The following TBC1D23 variants were observed in gnomAD, a reference collection of about 807,000 sequenced individuals.
TBC1D23 encodes the protein TBC1 domain family member 23.
Under a neutral mutation model 91.4 loss-of-function variants are expected in TBC1D23, and 55 were observed. The observed-to-expected ratio is 0.60, with a 90% confidence interval of 0.48 to 0.75. The LOEUF (loss-of-function observed/expected upper bound fraction) is 0.75. Among genes scored for constraint, TBC1D23 ranks in the 30% least tolerant of loss-of-function variants. The probability of loss-of-function intolerance (pLI) is 0.00; values close to 1 mark genes in which losing one functional copy is unlikely to be tolerated. For missense variants in TBC1D23, 725 were observed against 836.1 expected (o/e 0.87, Z 1.64); for synonymous variants, 289 against 281.0 (o/e 1.03, Z -0.28).
chr3:100,280,090 G>A (rs547366455), intron 2 of TBC1D23, among the ~76,000 whole-genome samples: 59 of 152,092 alleles, frequency 3.9e-4, no homozygotes, highest in Middle Eastern at 3.4e-3. Flanking sequence ...TTCAAGACCC[G>A]CCTGGCCAAC....
At chr3:100,276,101 AAGG>A (rs1301059418) in intron 1 of TBC1D23, among the ~76,000 whole-genome samples, 2 of 151,694 alleles carry the variant, frequency 1.3e-5, no homozygotes, top group Non-Finnish European at 2.9e-5. Flanking sequence ...AAAAAAAAAA[AAGG>A]AGATGAACTA....
chr3:100,310,114 G>C (rs1195387961), intron 13 of TBC1D23, among the ~76,000 whole-genome samples: 2 of 152,088 alleles, frequency 1.3e-5, no homozygotes, highest in Non-Finnish European at 2.9e-5. Context: ...GCCTTGCCTT[G>C]TGTGTCCTTA....
chr3:100,316,284 A>G, intron 16 of TBC1D23, 97 bp downstream of exon 16: 1 of 845,950 alleles, frequency 1.2e-6, no homozygotes, highest in Non-Finnish European at 1.9e-6. Context: ...TTTTTAAAAA[A>G]ATGAGATTCT....
chr3:100,295,479 A>G lies in TBC1D23; in HGVS notation c.772+131A>G, dbSNP rs181289309. The G allele has an allele frequency of 1.6e-5, 11 of 671,800 alleles. No homozygotes were observed. In the African/African-American group the frequency reaches 1.6e-4, roughly 10 times the overall value. 41.6% of individuals were successfully genotyped at this position (671,800 alleles called of 1,614,324 possible). Reference sequence around the variant, plus strand: ...AGGCTCCATTCAACTCTCAGATTATATAAACACTCTCCAGGTACAGACCTT... The same window carrying G: ...AGGCTCCATTCAACTCTCAGATTATGTAAACACTCTCCAGGTACAGACCTT... On this transcript the variant is annotated intron_variant, in intron 7 of 18. Transcript: ENST00000394144.
intron 12 of TBC1D23, among the ~76,000 whole-genome samples, chr3:100,305,089 T>G (rs2289509): frequency 6.6e-6 from 1 of 151,952 alleles, no homozygotes; most frequent in Non-Finnish European, 1.5e-5. Context: ...GACTATTTGA[T>G]GTAAGACTAT....
intron 1 of TBC1D23, among the ~76,000 whole-genome samples, chr3:100,262,352 A>G (rs1358308598): frequency 6.6e-6 from 1 of 152,218 alleles, no homozygotes. Context: ...GCTTTGAAGA[A>G]TAAGTAGGAT....
chr3:100,275,315 C>G (rs919974778), intron 1 of TBC1D23, among the ~76,000 whole-genome samples: 1 of 150,492 alleles, frequency 6.6e-6, no homozygotes, highest in African/African-American at 2.4e-5. Flanking sequence ...GAGACAGGGT[C>G]TCGTTCTGTA....
At chr3:100,309,920 T>C (rs1476272546) in intron 13 of TBC1D23, among the ~76,000 whole-genome samples, 1 of 152,194 alleles carries the variant, frequency 6.6e-6, no homozygotes, top group Non-Finnish European at 1.5e-5. Flanking sequence ...CTACCTTCTA[T>C]TCTTAAAATG....
At chr3:100,308,382 G>A (rs1318282120) in intron 13 of TBC1D23, among the ~76,000 whole-genome samples, 2 of 152,100 alleles carry the variant, frequency 1.3e-5, no homozygotes. Context: ...GGCTGAGGCA[G>A]GAGAATGGTG....
chr3:100,274,000 CTA>C (rs1391683692), intron 1 of TBC1D23, among the ~76,000 whole-genome samples: 1 of 151,980 alleles, frequency 6.6e-6, no homozygotes, highest in Non-Finnish European at 1.5e-5. Context: ...ATATATATGT[CTA>C]TAAATACACA....
At chr3:100,290,878 TGTTA>T (rs1471585779) in intron 5 of TBC1D23, among the ~76,000 whole-genome samples, 177 bp downstream of exon 5, 23 of 152,198 alleles carry the variant, frequency 1.5e-4, no homozygotes, top group Admixed American at 6.5e-5. Flanking sequence ...CCTTCACTCA[TGTTA>T]GTTCAGCTTA....
At chr3:100,279,893 G>A (rs528689949) in intron 2 of TBC1D23, 133 bp downstream of exon 2, 4 of 560,366 alleles carry the variant, frequency 7.1e-6, no homozygotes, top group Non-Finnish European at 1.3e-5. Context: ...TTATCAAACA[G>A]CAGCTTATTA....
chr3:100,282,821 T>C (rs563765004), intron 3 of TBC1D23, among the ~76,000 whole-genome samples: 176 of 152,334 alleles, frequency 1.2e-3, no homozygotes, highest in Middle Eastern at 3.4e-3. Context: ...ATAATCTGTT[T>C]AGAAAACCCT....
intron 13 of TBC1D23, among the ~76,000 whole-genome samples, chr3:100,306,767 C>A (rs201513144): frequency 9.0e-6 from 1 of 111,472 alleles, no homozygotes; most frequent in Middle Eastern, 3.7e-3. Context: ...TAGGTGGGAG[C>A]TCTTGAAGTT....
In TBC1D23 at chr3:100,316,137, G is replaced by A. The variant is rs757137638; in HGVS notation, c.1637G>A (p.Arg546His). 11 of 1,614,104 alleles carry A rather than the reference G, an allele frequency of 6.8e-6. No homozygotes were observed. The highest frequency in any genetic ancestry group is 2.2e-5 in the South Asian group (2 of 91,086). The change falls in exon 16 of 19, where the codon CGT (arginine) becomes CAT (histidine). Residue 546 changes from arginine to histidine, a missense_variant. Coordinates refer to ENST00000394144, the MANE Select transcript of TBC1D23 (RefSeq NM_001199198.3). ...AGTGACAGAGTGGGCAAGCCTTACC[G>A]TGGCGTAAAGCCTGTTTTCAGCATT... Reference protein sequence around the residue: ...SSSDRVGKPYRGVKPVFSIGD... With the variant: ...SSSDRVGKPYHGVKPVFSIGD...
chr3:100,320,449 G>A (rs751594088), intron 17 of TBC1D23, among the ~76,000 whole-genome samples: 7 of 151,982 alleles, frequency 4.6e-5, no homozygotes, highest in Non-Finnish European at 1.0e-4. Context: ...ATAGGTAATA[G>A]CGTTAAAAAA....
At chr3:100,309,231 T>C (rs1705573540) in intron 13 of TBC1D23, among the ~76,000 whole-genome samples, 2 of 152,190 alleles carry the variant, frequency 1.3e-5, no homozygotes, top group East Asian at 1.9e-4. Context: ...TTACATTTGG[T>C]ACATCAGGAT....
Position 100,320,816 on chromosome 3 carries a change from G to A in TBC1D23, c.1863G>A (p.Arg621=). Residue 621 remains arginine (R), a synonymous_variant, in exon 18 of 19, where the codon AGG becomes AGA. Coordinates refer to ENST00000394144, the MANE Select transcript of TBC1D23 (RefSeq NM_001199198.3). ...LVTATHMYCL[R]EIVSRKGLAY... The stretch of plus-strand genomic sequence containing the variant: ...CTGCAACACATATGTACTGTTTAAG[G>A]GAGATTGTTTCACGGAAAGGATTGG... The A allele has an allele frequency of 6.2e-7, 1 of 1,610,070 alleles. No homozygotes were observed. Among genetic ancestry groups the A allele is most frequent in the East Asian group, 2.2e-5 (1 of 44,784 alleles).
At chr3:100,288,949 C>T (rs1053669944) in intron 4 of TBC1D23, among the ~76,000 whole-genome samples, 13 of 152,156 alleles carry the variant, frequency 8.5e-5, no homozygotes, top group African/African-American at 3.1e-4. Context: ...CATGGTGGCT[C>T]ATGCCTGTAA....
Sources: allele counts gnomAD v4.1 joint callset (sites outside exome capture counted in the v4.1 genomes callset), GRCh38; gene constraint gnomAD v4.1.1; transcripts MANE v1.5; gene names NCBI Gene and HGNC (gene_info 2026-07-23, HGNC 2026-07-21).